EFR3A: variants seen among roughly 807,000 people sequenced by gnomAD.
The protein encoded by EFR3A is EFR3 homolog A, also known as protein EFR3 homolog A.
A neutral mutation model predicts 104.4 loss-of-function variants in EFR3A; 76 were observed. The ratio of observed to expected loss-of-function variants is 0.73; its 90% CI spans 0.60 to 0.88. EFR3A has a LOEUF of 0.88. Among genes scored for constraint, EFR3A ranks in the 40% least tolerant of loss-of-function variants. The pLI is 0.00. For synonymous variants in EFR3A, 330 were observed against 330.0 expected (o/e 1.00, Z 0.00); for missense variants, 985 against 1,012.5 (o/e 0.97, Z 0.37).
chr8:132,006,294 G>T (rs970358700), intron 22 of EFR3A, among the ~76,000 whole-genome samples: 1 of 152,024 alleles, frequency 6.6e-6, no homozygotes, highest in Non-Finnish European at 1.5e-5. Flanking sequence ...CTTTGAAATG[G>T]TTGATAAAAT....
intron 8 of EFR3A, among the ~76,000 whole-genome samples, chr8:131,966,227 A>T (rs541709883): frequency 4.6e-5 from 7 of 152,160 alleles, no homozygotes; most frequent in Non-Finnish European, 1.0e-4. Context: ...ATAAATAAAT[A>T]AAAAGCAACA....
intron 1 of EFR3A, among the ~76,000 whole-genome samples, chr8:131,936,665 G>T (rs1817907587): frequency 6.6e-6 from 1 of 152,084 alleles, no homozygotes; most frequent in Non-Finnish European, 1.5e-5. Flanking sequence ...TTGCTAGAGT[G>T]GCTCACAGAA....
Position 132,011,475 on chromosome 8 carries a change from T to C in EFR3A, c.*580T>C. The C allele has an allele frequency of 1.1e-6, 1 of 938,420 alleles. No individual in the cohort carries two copies. Among genetic ancestry groups the C allele is most frequent in the Non-Finnish European group, 1.3e-6 (1 of 787,152 alleles). 58.1% of individuals were successfully genotyped at this position (938,420 alleles called of 1,614,324 possible). A position where few individuals can be genotyped will look rare whatever the true frequency, so the allele number is the denominator to read the frequency against. ...ATCTTCTTCACAATAATAGGACATC[T>C]GTTGAATAGCATTCCTCGAATATAA... On this transcript the variant is annotated 3_prime_UTR_variant, in exon 23 of 23. Transcript: ENST00000254624.
At chr8:132,001,719 C>T (rs761623158) in intron 19 of EFR3A, 40 bp from the exon 20 acceptor site, 1 of 1,558,360 alleles carries the variant, frequency 6.4e-7, no homozygotes, top group Non-Finnish European at 8.8e-7. Context: ...TTTATATTGA[C>T]CCTTTTTAAC....
intron 1 of EFR3A, among the ~76,000 whole-genome samples, chr8:131,930,754 G>C (rs1817554852): frequency 6.6e-6 from 1 of 151,990 alleles, no homozygotes; most frequent in Non-Finnish European, 1.5e-5. Flanking sequence ...GCCAGTGATA[G>C]GTCTTTATCA....
intron 22 of EFR3A, among the ~76,000 whole-genome samples, chr8:132,008,356 A>G (rs1335158135): frequency 6.6e-6 from 1 of 152,114 alleles, no homozygotes; most frequent in African/African-American, 2.4e-5. Context: ...TTTGTGCCCA[A>G]TAAAATGAGA....
chr8:131,953,471 G>A (rs1818812395), intron 5 of EFR3A, among the ~76,000 whole-genome samples: 1 of 152,048 alleles, frequency 6.6e-6, no homozygotes, highest in Admixed American at 6.6e-5. Context: ...TTTTCACTCA[G>A]CTCTTAAGAC....
intron 16 of EFR3A, 68 bp from the exon 17 acceptor site, chr8:131,986,126 G>T: frequency 1.4e-6 from 1 of 706,702 alleles, no homozygotes; most frequent in African/African-American, 1.8e-5. Flanking sequence ...GCTGTTTTCT[G>T]AATTTTTATA....
chr8:131,980,112 T>C (rs1012049711), intron 14 of EFR3A, among the ~76,000 whole-genome samples: 3 of 152,058 alleles, frequency 2.0e-5, no homozygotes, highest in Non-Finnish European at 4.4e-5. Context: ...ACGAACACAG[T>C]ATTGCCAGCT....
At position 131,968,377 on chromosome 8, in the gene EFR3A, G is replaced by A; in HGVS notation, c.938G>A (p.Gly313Asp). 6.2e-7 allele frequency: 1 copy of A among 1,613,606 alleles called. No homozygotes were observed. The highest frequency in any genetic ancestry group is 8.5e-7 in the Non-Finnish European group (1 of 1,179,660). ...AAAGATGCTCCCCGGGTTCGAGCAG[G>A]TATTATTCAGGTTCTGTTAGAGGCT... Reference protein sequence around the residue: ...RKKDAPRVRAGIIQVLLEAVA... With the variant: ...RKKDAPRVRADIIQVLLEAVA... The change falls in exon 9 of 23, where the codon GGT becomes GAT. Residue 313 changes from glycine (G) to aspartate (D), a missense_variant. Coordinates refer to ENST00000254624, the MANE Select transcript of EFR3A (RefSeq NM_015137.6).
intron 18 of EFR3A, among the ~76,000 whole-genome samples, chr8:131,988,353 T>C (rs1168445216): frequency 6.6e-6 from 1 of 152,128 alleles, no homozygotes; most frequent in Non-Finnish European, 1.5e-5. Flanking sequence ...GAATTAGTTC[T>C]TTGGGGATAC....
Position 132,003,266 on chromosome 8 carries a change from A to G in EFR3A, c.2341A>G (p.Ile781Val), listed in dbSNP as rs1821877829. ...ANLLHDRLAQ[I>V]LELTIRPPPS... is the part of the protein sequence containing the mutation. ...TTTGCTTCATGATAGACTTGCCCAA[A>G]TATTGGAACTCACCATACGGTAAGG... The change falls in exon 22 of 23, where the codon ATA becomes GTA. Residue 781 changes from isoleucine (I) to valine (V), a missense_variant. Physicochemically the swap from Ile to Val is conservative, Grantham distance 29 (BLOSUM62 3). Coordinates refer to ENST00000254624, the MANE Select transcript of EFR3A (RefSeq NM_015137.6). 1 of 1,612,684 alleles carries G rather than the reference A, an allele frequency of 6.2e-7. No homozygotes were observed. Among genetic ancestry groups the G allele is most frequent in the South Asian group, 1.1e-5 (1 of 90,752 alleles).
intron 1 of EFR3A, among the ~76,000 whole-genome samples, chr8:131,933,056 T>C (rs1817691737): frequency 6.6e-6 from 1 of 152,134 alleles, no homozygotes; most frequent in Non-Finnish European, 1.5e-5. Context: ...TGCTTACATC[T>C]TTTTAAAAAA....
At chr8:131,948,520 A>C (rs1338998461) in intron 4 of EFR3A, among the ~76,000 whole-genome samples, 1 of 152,118 alleles carries the variant, frequency 6.6e-6, no homozygotes, top group Non-Finnish European at 1.5e-5. Flanking sequence ...AAGTGCATTT[A>C]GATGATGTGA....
At chr8:132,010,710 G>A (rs145013370) in intron 22 of EFR3A, 80 bp from the exon 23 acceptor site, 22 of 1,492,438 alleles carry the variant, frequency 1.5e-5, no homozygotes, top group Middle Eastern at 3.5e-4. Context: ...TTTGATATTC[G>A]CAGATAGTAG....
At chr8:131,937,566 A>C (rs1176499382) in intron 1 of EFR3A, among the ~76,000 whole-genome samples, 1 of 152,150 alleles carries the variant, frequency 6.6e-6, no homozygotes, top group Non-Finnish European at 1.5e-5. Flanking sequence ...TAGGAGGAGA[A>C]TAGTGGATAG....
intron 8 of EFR3A, among the ~76,000 whole-genome samples, chr8:131,962,367 C>A (rs1819409199): frequency 6.6e-6 from 1 of 151,836 alleles, no homozygotes; most frequent in Admixed American, 6.6e-5. Context: ...GGAGGAAGAT[C>A]TACCAAGCAA....
chr8:132,001,058 A>T (rs904873857), intron 19 of EFR3A: 2 of 152,218 alleles, frequency 1.3e-5, no homozygotes, highest in African/African-American at 2.4e-5. Context: ...AACTGGATAT[A>T]TTATTTATCC....
In EFR3A at chr8:131,996,496, T is replaced by G. The variant is rs748523416; in HGVS notation, c.2156T>G (p.Val719Gly). The G allele has an allele frequency of 2.5e-6, 4 of 1,586,388 alleles. No individual in the cohort carries two copies. Among genetic ancestry groups the G allele is most frequent in the Non-Finnish European group, 3.4e-6 (4 of 1,166,220 alleles). The change falls in exon 19 of 23, where the codon GTG (valine) becomes GGG (glycine). Residue 719 changes from valine to glycine, a missense_variant and splice_region_variant. Physicochemically the swap from Val to Gly is moderately radical, Grantham distance 109. Transcript: ENST00000254624. ...ILSNNVPSDD[V>G]VSNTEEITFE... is the part of the protein sequence containing the mutation. ...TCCAACAATGTTCCTTCTGATGATG[T>G]GGTAAGTTACTGAAAGTTTATGGTA...
Sources: allele counts gnomAD v4.1 joint callset (sites outside exome capture counted in the v4.1 genomes callset), GRCh38; gene constraint gnomAD v4.1.1; transcripts MANE v1.5; gene names NCBI Gene and HGNC (gene_info 2026-07-23, HGNC 2026-07-21).